The following RANBP17 variants were observed in gnomAD, a reference collection of about 807,000 sequenced individuals.
The protein encoded by RANBP17 is RAN binding protein 17, also known as ran-binding protein 17.
RANBP17 carries 158 observed loss-of-function variants against 141.2 expected under a neutral mutation model. The observed-to-expected ratio is 1.12, with a 90% CI of 0.98 to 1.28. The LOEUF (loss-of-function observed/expected upper bound fraction) is 1.28, where lower values mean the gene tolerates loss of function less well. RANBP17 is among the 50% of genes most tolerant of loss of function. The probability of loss-of-function intolerance (pLI) is 0.00; values close to 1 mark genes in which losing one functional copy is unlikely to be tolerated. For synonymous variants in RANBP17, 430 were observed against 450.0 expected (o/e 0.96, Z 0.56); for missense variants, 1,438 against 1,290.7 (o/e 1.11, Z -1.75).
Position 171,241,122 on chromosome 5 carries a change from G to T in RANBP17, c.2617G>T (p.Val873Leu). Residue 873 changes from valine to leucine, a missense_variant, in exon 23 of 28, where the codon GTG becomes TTG. Transcript: ENST00000523189. ...GGCTTTTGTCAAAATGCTGCTGTCA[G>T]TGTCCCACAGTGACTTGCTAGTAAG... is the stretch of plus-strand genomic sequence containing the variant. ...LQAFVKMLLS[V>L]SHSDLLQYRK... is the part of the protein sequence containing the mutation. 1 of 1,612,510 alleles carries T rather than the reference G, an allele frequency of 6.2e-7. No individual in the cohort carries two copies. Among genetic ancestry groups the T allele is most frequent in the Non-Finnish European group, 8.5e-7 (1 of 1,178,760 alleles).
chr5:171,176,033 G>T, intron 16 of RANBP17, among the ~76,000 whole-genome samples: 1 of 152,046 alleles, frequency 6.6e-6, no homozygotes, highest in East Asian at 1.9e-4. Flanking sequence ...TATACAGCCC[G>T]CATGCCTGTG....
chr5:171,188,189 TG>T lies in RANBP17; in HGVS notation c.2038+4760del, dbSNP rs1358811763. ...ACCATGTATGTATAACTTGGCTAAG[TG>T]ACAACTAGGGCTGGAGGCAAAGAGA... On this transcript the variant is annotated intron_variant, in intron 18 of 27. Transcript: ENST00000523189. 4.6e-5 allele frequency among the ~76,000 whole-genome samples: 7 copies of T among 152,220 alleles called. 1 individual carries two copies. The highest frequency in any genetic ancestry group is 4.6e-4 in the Admixed American group (7 of 15,286).
intron 14 of RANBP17, 174 bp downstream of exon 14, chr5:170,968,551 T>G: frequency 1.5e-6 from 1 of 670,308 alleles, no homozygotes; most frequent in Non-Finnish European, 2.7e-6. Flanking sequence ...TATACCTAGT[T>G]TACCATTTTC....
rs565541635 is a variant in RANBP17 at position 171,007,832 on chromosome 5, G to T, written c.1710+39455G>T. Among the ~76,000 whole-genome samples the T allele has an allele frequency of 4.1e-4, 62 of 152,284 alleles. 1 individual carries two copies. The South Asian group carries it at 0.012, about 31-fold the overall frequency. On this transcript the variant is annotated intron_variant, in intron 14 of 27. Coordinates refer to ENST00000523189, the MANE Select transcript of RANBP17 (RefSeq NM_022897.5). ...AGAGTTGAAGAGGTTTTAAGTTCTT[G>T]AGAACACAGGCTAAGGAGAAGAAGG... is the stretch of plus-strand genomic sequence containing the variant.
At chr5:171,009,238 G>A (rs1467418762) in intron 14 of RANBP17, among the ~76,000 whole-genome samples, 1 of 152,176 alleles carries the variant, frequency 6.6e-6, no homozygotes, top group African/African-American at 2.4e-5. Flanking sequence ...TAACTTTTCT[G>A]CATGTCAGTT....
intron 14 of RANBP17, among the ~76,000 whole-genome samples, chr5:171,104,250 T>A (rs1787388005): frequency 1.3e-5 from 2 of 152,116 alleles, no homozygotes; most frequent in Non-Finnish European, 2.9e-5. Context: ...TTGGTCAGGC[T>A]GGTCTCGAAC....
rs546629299 is a variant in RANBP17 at position 170,905,827 on chromosome 5, T to G, written c.490-3834T>G. On this transcript the variant is annotated intron_variant, in intron 5 of 27. Transcript: ENST00000523189. ...TTTTGAAACTAGCAGTTTGATTCAT[T>G]TCATGCTTCTCAGCATAATAGGAAA... Among the ~76,000 whole-genome samples the G allele has an allele frequency of 5.3e-5, 8 of 152,248 alleles. No homozygotes were observed. The East Asian group carries it at 1.5e-3, about 29-fold the overall frequency.
intron 2 of RANBP17, among the ~76,000 whole-genome samples, chr5:170,880,521 T>C (rs1290834046): frequency 6.6e-6 from 1 of 152,222 alleles, no homozygotes; most frequent in African/African-American, 2.4e-5. Flanking sequence ...AAACTTTGGT[T>C]GCAGTCTCAT....
At chr5:171,267,290 C>T (rs1321921449) in intron 25 of RANBP17, among the ~76,000 whole-genome samples, 2 of 151,618 alleles carry the variant, frequency 1.3e-5, no homozygotes, top group Non-Finnish European at 2.9e-5. Context: ...ACAGTCCTCC[C>T]ACCTCAGCCT....
chr5:171,256,367 C>T (rs1314027958), intron 24 of RANBP17, among the ~76,000 whole-genome samples: 3 of 152,016 alleles, frequency 2.0e-5, no homozygotes, highest in Non-Finnish European at 4.4e-5. Flanking sequence ...TTGAAGAAGG[C>T]GCTATATAGA....
intron 14 of RANBP17, among the ~76,000 whole-genome samples, chr5:171,137,641 T>TGTGTGTGTGTGTGTGTGTG (rs1757403914): frequency 6.6e-6 from 1 of 151,208 alleles, no homozygotes. Flanking sequence ...TGTGTGTGTA[T>TGTGTGTGTGTGTGTGTGTG]TCCCCTAATT....
rs187027255 is a variant in RANBP17 at position 170,997,391 on chromosome 5, G to A, written c.1710+29014G>A. ...GAGATTCATATGCAGTAAATCTGAG[G>A]TAGGACCCAGAAATCTGTATTTTAA... On this transcript the variant is annotated intron_variant, in intron 14 of 27. Coordinates refer to ENST00000523189, the MANE Select transcript of RANBP17 (RefSeq NM_022897.5). 4.5e-4 allele frequency among the ~76,000 whole-genome samples: 68 copies of A among 151,684 alleles called. 2 individuals carry two copies. In the East Asian group the frequency reaches 0.012, roughly 27 times the overall value.
At chr5:171,059,960 CTGTT>C (rs1783696134) in intron 14 of RANBP17, among the ~76,000 whole-genome samples, 1 of 38,218 alleles carries the variant, frequency 2.6e-5, no homozygotes, top group African/African-American at 9.5e-5. Context: ...ATTTGGCTCT[CTGTT>C]TGTCTGTTAT....
intron 14 of RANBP17, among the ~76,000 whole-genome samples, chr5:170,974,431 G>T (rs975477604): frequency 2.6e-5 from 4 of 152,120 alleles, no homozygotes; most frequent in African/African-American, 7.2e-5. Context: ...TGAACACACT[G>T]GGGTAGGGAT....
chr5:171,057,679 G>C (rs1561601272), intron 14 of RANBP17, among the ~76,000 whole-genome samples: 1 of 152,162 alleles, frequency 6.6e-6, no homozygotes, highest in Admixed American at 6.5e-5. Context: ...TTGATTTACA[G>C]TTTTCTGTTG....
chr5:171,226,579 G>A (rs977950824), intron 22 of RANBP17, among the ~76,000 whole-genome samples: 1 of 151,942 alleles, frequency 6.6e-6, no homozygotes, highest in Non-Finnish European at 1.5e-5. Flanking sequence ...ACTGTTATTC[G>A]TCACCACCTA....
Position 171,098,345 on chromosome 5 carries a change from G to A in RANBP17, c.1711-71785G>A, listed in dbSNP as rs144827021. 9.4e-3 allele frequency among the ~76,000 whole-genome samples: 1,434 copies of A among 152,230 alleles called. 60 individuals are homozygous for A. The highest frequency in any genetic ancestry group is 0.08 in the East Asian group (413 of 5,186). On this transcript the variant is annotated intron_variant, in intron 14 of 27. Coordinates refer to ENST00000523189, the MANE Select transcript of RANBP17 (RefSeq NM_022897.5). ...ATGGCCATTCTAACTGGCATGAGAT[G>A]GTATCTCATTGTGGTTTTGATTTGA...
intron 14 of RANBP17, among the ~76,000 whole-genome samples, chr5:171,119,357 G>A (rs1050383288): frequency 1.3e-5 from 2 of 152,124 alleles, no homozygotes; most frequent in African/African-American, 4.8e-5. Context: ...TCCTGATTTT[G>A]ATATCGGGGT....
chr5:170,997,513 C>A (rs748282370), intron 14 of RANBP17, among the ~76,000 whole-genome samples: 1 of 152,170 alleles, frequency 6.6e-6, no homozygotes, highest in African/African-American at 2.4e-5. Context: ...AGTAAATGTA[C>A]TACCAAGGTT....
Sources: allele counts gnomAD v4.1 joint callset (sites outside exome capture counted in the v4.1 genomes callset), GRCh38; gene constraint gnomAD v4.1.1; transcripts MANE v1.5; gene names NCBI Gene and HGNC (gene_info 2026-07-23, HGNC 2026-07-21).